CHIC2: variants seen among roughly 807,000 people sequenced by gnomAD.
CHIC2 encodes cysteine-rich hydrophobic domain-containing protein 2.
Under a neutral mutation model 25.9 loss-of-function variants are expected in CHIC2, and 14 were observed. The ratio of observed to expected loss-of-function variants is 0.54; its 90% CI spans 0.36 to 0.85. The LOEUF (loss-of-function observed/expected upper bound fraction) is 0.85, where lower values mean the gene tolerates loss of function less well. Ranked by LOEUF, CHIC2 falls within the 40% of genes least tolerant of loss-of-function variation. The pLI is 0.01. For missense variants in CHIC2, 146 were observed against 202.0 expected (o/e 0.72, Z 1.68); for synonymous variants, 70 against 72.0 (o/e 0.97, Z 0.14).
chr4:54,021,152 CT>C (rs1355411080), intron 3 of CHIC2, among the ~76,000 whole-genome samples: 1 of 152,168 alleles, frequency 6.6e-6, no homozygotes, highest in Non-Finnish European at 1.5e-5. Flanking sequence ...ACCTAAATGC[CT>C]TATTTTCTTC....
chr4:54,014,135 G>GA lies in CHIC2; in HGVS notation c.331-17dup. Reference sequence around the variant, plus strand: ...ATCTTCGTGTCTGGAAGACAAATGAGAAAAAAGTTTACTCTTGACTGGTTT... The same window carrying GA: ...ATCTTCGTGTCTGGAAGACAAATGAGAAAAAAAGTTTACTCTTGACTGGTTT... On this transcript the variant is annotated splice_polypyrimidine_tract_variant and intron_variant, in intron 3 of 5. Coordinates refer to ENST00000263921, the MANE Select transcript of CHIC2 (RefSeq NM_012110.4). 6.2e-7 allele frequency: 1 copy of GA among 1,611,264 alleles called. No individual in the cohort carries two copies. Among genetic ancestry groups the GA allele is most frequent in the South Asian group, 1.1e-5 (1 of 90,712 alleles).
chr4:54,082,395 T>C, the CHIC2 span, among the ~76,000 whole-genome samples: 22 of 152,342 alleles, frequency 1.4e-4, no homozygotes, highest in South Asian at 6.2e-4. Context: ...ATCTTTGGCA[T>C]GTTAAATGTC....
chr4:54,070,845 A>G, the CHIC2 span, among the ~76,000 whole-genome samples: 2 of 152,192 alleles, frequency 1.3e-5, no homozygotes, highest in South Asian at 4.1e-4. Context: ...CAGGATTTTT[A>G]GTAAATCATA....
the CHIC2 span, among the ~76,000 whole-genome samples, chr4:54,078,785 G>C: frequency 1.5e-4 from 23 of 151,990 alleles, no homozygotes; most frequent in Middle Eastern, 3.4e-3. Context: ...AAAGTGCTGG[G>C]ATTACATAAG....
At position 54,064,124 on chromosome 4, in the gene CHIC2, G is replaced by T; in HGVS notation, c.119+58C>A. On this transcript the variant is annotated intron_variant, in intron 1 of 5. Transcript: ENST00000263921. This position sits in a 1 kb window ranked among gnomAD's most constrained non-coding sequence, Gnocchi z 4.2. ...ACACAGGGGAAACGGGGCTCCCGTG[G>T]AGTAACGGGGCCCACCCCAGCCCGC... 1.4e-6 allele frequency: 2 copies of T among 1,457,488 alleles called. No individual in the cohort carries two copies. The highest frequency in any genetic ancestry group is 1.9e-6 in the Non-Finnish European group (2 of 1,058,662). The allele number at this position is 1,457,488 out of a possible 1,614,324, so 90.3% of individuals were successfully genotyped here. A position where few individuals can be genotyped will look rare whatever the true frequency, so the allele number is the denominator to read the frequency against.
chr4:54,067,931 A>G (rs2110099724), upstream of CHIC2, among the ~76,000 whole-genome samples: 1 of 147,066 alleles, frequency 6.8e-6, no homozygotes, highest in Middle Eastern at 3.4e-3. Context: ...CCCCCCCCCA[A>G]ATTCATATGT....
At chr4:54,044,145 C>A (rs1374556306) in intron 3 of CHIC2, among the ~76,000 whole-genome samples, 1 of 152,108 alleles carries the variant, frequency 6.6e-6, no homozygotes, top group Non-Finnish European at 1.5e-5. Context: ...AGCACCCAGA[C>A]TCATAAAGCA....
At chr4:54,027,513 G>A (rs1214707652) in intron 3 of CHIC2, among the ~76,000 whole-genome samples, 2 of 152,216 alleles carry the variant, frequency 1.3e-5, no homozygotes, top group African/African-American at 4.8e-5. Flanking sequence ...TGGAACTGCA[G>A]TAAATGTATT....
intron 1 of CHIC2, among the ~76,000 whole-genome samples, chr4:54,055,576 TAC>T (rs1408980354): frequency 6.6e-6 from 1 of 152,146 alleles, no homozygotes; most frequent in African/African-American, 2.4e-5. Flanking sequence ...AATCTATAGA[TAC>T]AGAGAATTTT....
Position 54,049,035 on chromosome 4 carries a change from G to A in CHIC2, c.250C>T (p.Arg84Cys), listed in dbSNP as rs1437132099. The change falls in exon 3 of 6, where the codon CGT (arginine) becomes TGT (cysteine). Residue 84 changes from arginine to cysteine, a missense_variant. Coordinates refer to ENST00000263921, the MANE Select transcript of CHIC2 (RefSeq NM_012110.4). ...CAAAGGCAGCCACAAAGTAGCCAAC[G>A]TACATTAACAGGAAGGTTCTTCTTA... The part of the protein sequence containing the change: ...CLKKNLPVNV[R>C]WLLCGCLCCC... The A allele has an allele frequency of 5.0e-6, 8 of 1,611,756 alleles. No homozygotes were observed. In the Admixed American group the frequency reaches 5.0e-5, roughly 10 times the overall value.
In CHIC2 at chr4:54,009,880, T is replaced by A; in HGVS notation, c.*215A>T. On this transcript the variant is annotated 3_prime_UTR_variant, in exon 6 of 6. Coordinates refer to ENST00000263921, the MANE Select transcript of CHIC2 (RefSeq NM_012110.4). ...CATAACAGAAAAGAGCACAATAACT[T>A]AAGTATTAAACATCTGTATGAAATA... is the stretch of plus-strand genomic sequence containing the variant. The A allele has an allele frequency of 2.5e-6, 1 of 395,326 alleles. No homozygotes were observed. 24.5% of individuals were successfully genotyped at this position (395,326 alleles called of 1,614,324 possible).
chr4:54,044,521 A>G (rs1560392695), intron 3 of CHIC2, among the ~76,000 whole-genome samples: 1 of 152,188 alleles, frequency 6.6e-6, no homozygotes, highest in Non-Finnish European at 1.5e-5. Context: ...CTACATGGAA[A>G]CTGAACAACC....
chr4:54,024,303 C>T (rs1438437610), intron 3 of CHIC2, among the ~76,000 whole-genome samples: 2 of 152,180 alleles, frequency 1.3e-5, no homozygotes, highest in Non-Finnish European at 2.9e-5. Context: ...GAAAATCTAT[C>T]CCCAATCCAC....
At chr4:54,050,122 C>T (rs1716956340) in intron 1 of CHIC2, among the ~76,000 whole-genome samples, 2 of 152,146 alleles carry the variant, frequency 1.3e-5, no homozygotes, top group South Asian at 4.1e-4. Flanking sequence ...AACTACTGAG[C>T]ACATTCCATG....
At chr4:54,091,820 A>T in the CHIC2 span, among the ~76,000 whole-genome samples, 4 of 152,302 alleles carry the variant, frequency 2.6e-5, no homozygotes, top group Middle Eastern at 3.4e-3. Flanking sequence ...GCTCGCGCTC[A>T]TGCACACTCG....
the CHIC2 span, among the ~76,000 whole-genome samples, chr4:54,085,366 G>A: frequency 6.6e-6 from 1 of 152,172 alleles, no homozygotes; most frequent in Non-Finnish European, 1.5e-5. Context: ...CGAAGTATCT[G>A]TGGAAGACAA....
At chr4:54,032,099 T>A (rs1043675231) in intron 3 of CHIC2, among the ~76,000 whole-genome samples, 1 of 152,056 alleles carries the variant, frequency 6.6e-6, no homozygotes, top group Non-Finnish European at 1.5e-5. Flanking sequence ...TAAATATAAA[T>A]AAAAGCACAA....
At chr4:54,041,097 G>A (rs1264297686) in intron 3 of CHIC2, among the ~76,000 whole-genome samples, 1 of 151,202 alleles carries the variant, frequency 6.6e-6, no homozygotes, top group Non-Finnish European at 1.5e-5. Flanking sequence ...TATATTTTTA[G>A]TAGAGATGGG....
At chr4:54,045,009 T>C (rs1238640955) in intron 3 of CHIC2, among the ~76,000 whole-genome samples, 5 of 152,228 alleles carry the variant, frequency 3.3e-5, no homozygotes, top group Non-Finnish European at 7.3e-5. Context: ...CATCAGAGAA[T>C]ACTGTAAACA....
Sources: gnomAD v4.1 joint callset for allele counts (sites outside exome capture counted in the v4.1 genomes callset) on GRCh38, gnomAD v4.1.1 for gene constraint, Gnocchi (gnomAD v3.1) non-coding constraint, MANE v1.5 for transcripts, NCBI Gene and HGNC (gene_info 2026-07-23, HGNC 2026-07-21) for gene names.